The following PDPR variants were observed in gnomAD, a reference collection of about 807,000 sequenced individuals.
The protein encoded by PDPR is pyruvate dehydrogenase phosphatase regulatory subunit, mitochondrial.
A neutral mutation model predicts 102.2 loss-of-function variants in PDPR; 50 were observed. The observed-to-expected ratio is 0.49, with a 90% CI of 0.39 to 0.62. The LOEUF (loss-of-function observed/expected upper bound fraction) is 0.62, where lower values mean the gene tolerates loss of function less well. PDPR is among the 20% of genes least tolerant of loss of function. The pLI is 0.00. For missense variants in PDPR, 625 were observed against 1,098.2 expected (o/e 0.57, Z 6.09); for synonymous variants, 259 against 406.0 (o/e 0.64, Z 4.35).
chr16:70,131,807 G>C, intron 8 of PDPR: 1 of 1,371,764 alleles, frequency 7.3e-7, no homozygotes, highest in Non-Finnish European at 9.5e-7. Context: ...TCCTTTTGAC[G>C]GTCTTCATGC....
intron 2 of PDPR, among the ~76,000 whole-genome samples, chr16:70,117,021 C>A (rs1259847022): frequency 1.3e-5 from 2 of 149,722 alleles, no homozygotes; most frequent in Non-Finnish European, 3.0e-5. Flanking sequence ...AAATAGCCGG[C>A]CACTAATGCC....
rs776398673 is a variant in PDPR at position 70,130,534 on chromosome 16, G to T, written c.719G>T (p.Cys240Phe). 6.2e-7 allele frequency: 1 copy of T among 1,613,910 alleles called. No individual in the cohort carries two copies. Among genetic ancestry groups the T allele is most frequent in the Non-Finnish European group, 8.5e-7 (1 of 1,179,872 alleles). Residue 240 changes from cysteine to phenylalanine, a missense_variant, in exon 7 of 19, where the codon TGT (cysteine) becomes TTT (phenylalanine). Physicochemically the swap from Cys to Phe is radical, Grantham distance 205 (BLOSUM62 -2). Coordinates refer to ENST00000288050, the MANE Select transcript of PDPR (RefSeq NM_017990.5). ...ATTGAATGCCAGTATTTTGTCAACTGTGCTGGCCAGGTAGGTCAGCACCAA... is the reference window on the plus strand; with the variant it reads ...ATTGAATGCCAGTATTTTGTCAACTTTGCTGGCCAGGTAGGTCAGCACCAA... ...GQIECQYFVN[C>F]AGQWAYELGL...
At chr16:70,124,339 G>A (rs561619299) in intron 3 of PDPR, among the ~76,000 whole-genome samples, 513 of 152,228 alleles carry the variant, frequency 3.4e-3, no homozygotes, top group African/African-American at 0.012. Flanking sequence ...CTCCAGCCTG[G>A]GCAACAGAGT....
intron 14 of PDPR, among the ~76,000 whole-genome samples, chr16:70,144,029 CCA>C (rs1348895390): frequency 6.6e-6 from 1 of 152,174 alleles, no homozygotes; most frequent in African/African-American, 2.4e-5. Flanking sequence ...GTAGCTGGGA[CCA>C]CAGGTACACG....
chr16:70,123,200 C>T (rs1268326929), intron 3 of PDPR, among the ~76,000 whole-genome samples: 1 of 152,268 alleles, frequency 6.6e-6, no homozygotes, highest in African/African-American at 2.4e-5. Flanking sequence ...CCGTGCCCGG[C>T]CCGCAGTGGA....
downstream of PDPR, among the ~76,000 whole-genome samples, chr16:70,163,423 C>A (rs919016327): frequency 6.6e-6 from 1 of 152,272 alleles, no homozygotes; most frequent in African/African-American, 2.4e-5. Flanking sequence ...TCTCCCCACT[C>A]GCCTCTCCCT....
intron 18 of PDPR, among the ~76,000 whole-genome samples, chr16:70,155,492 T>TG (rs1272681940): frequency 3.9e-5 from 6 of 152,250 alleles, no homozygotes; most frequent in Admixed American, 6.5e-5. Flanking sequence ...GGCGCATCTG[T>TG]GGGCCCAGCT....
At chr16:70,119,997 G>A (rs7197157) in intron 2 of PDPR, 58,431 of 154,018 alleles carry the variant, frequency 0.38, 11,278 homozygotes, top group Non-Finnish European at 0.39. Context: ...GCTCGCTGCA[G>A]CCTCCGCCTC....
downstream of PDPR, among the ~76,000 whole-genome samples, chr16:70,163,279 T>TTA (rs1967936329): frequency 6.6e-6 from 1 of 152,186 alleles, no homozygotes; most frequent in Admixed American, 6.5e-5. Flanking sequence ...TTTTTTTTTT[T>TTA]AAGTATTTGT....
chr16:70,122,598 C>A (rs567756967), intron 3 of PDPR, among the ~76,000 whole-genome samples: 1 of 152,268 alleles, frequency 6.6e-6, no homozygotes, highest in African/African-American at 2.4e-5. Context: ...CTGTTTTCTC[C>A]CCTTGTAATG....
chr16:70,127,755 G>A (rs1344078978), intron 4 of PDPR, among the ~76,000 whole-genome samples: 4 of 152,286 alleles, frequency 2.6e-5, no homozygotes, highest in African/African-American at 9.6e-5. Flanking sequence ...ATTGGCCCAA[G>A]TGTAATTATG....
At chr16:70,116,837 C>A (rs1185577739) in intron 2 of PDPR, among the ~76,000 whole-genome samples, 1 of 152,050 alleles carries the variant, frequency 6.6e-6, no homozygotes, top group African/African-American at 2.4e-5. Context: ...ACATGGCGCC[C>A]GGCCTAAAGT....
At chr16:70,155,250 C>G (rs561719837) in intron 18 of PDPR, among the ~76,000 whole-genome samples, 1 of 152,102 alleles carries the variant, frequency 6.6e-6, no homozygotes, top group South Asian at 2.1e-4. Flanking sequence ...ATTAAAATCA[C>G]CCATATTTTG....
chr16:70,136,816 C>T (rs1319697596), intron 10 of PDPR, among the ~76,000 whole-genome samples: 2 of 152,204 alleles, frequency 1.3e-5, no homozygotes, highest in Non-Finnish European at 2.9e-5. Flanking sequence ...GATCTCAGGT[C>T]ACTGCAACCT....
Position 70,156,782 on chromosome 16 carries a change from G to T in PDPR, c.2543G>T (p.Arg848Leu), listed in dbSNP as rs773595037. Residue 848 changes from arginine (R) to leucine (L), a missense_variant, in exon 19 of 19, where the codon CGC becomes CTC. Arg to Leu is a moderately radical substitution (Grantham distance 102). Transcript: ENST00000288050. ...GEYEIDIAGY[R>L]FQAKAKLYPV... ...TATGAGATTGACATCGCGGGATACC[G>T]CTTCCAGGCCAAGGCCAAGCTCTAC... The T allele has an allele frequency of 1.9e-6, 3 of 1,613,950 alleles. No homozygotes were observed. The highest frequency in any genetic ancestry group is 2.5e-6 in the Non-Finnish European group (3 of 1,179,912).
At chr16:70,145,428 G>A (rs1215536022) in intron 15 of PDPR, among the ~76,000 whole-genome samples, 4 of 152,206 alleles carry the variant, frequency 2.6e-5, no homozygotes, top group Non-Finnish European at 4.4e-5. Context: ...GAGCCACCAC[G>A]CCCAGTCCCA....
rs1967748353 is a variant in PDPR, at chr16:70,161,166, C to T, written c.*4287C>T. ...GTCGCTTACTCCTGTAATCCCAGCA[C>T]TTTGGGAGGCCCAGTGAGGTGGGAG... On this transcript the variant is annotated 3_prime_UTR_variant, in exon 19 of 19. Coordinates refer to ENST00000288050, the MANE Select transcript of PDPR (RefSeq NM_017990.5). 1.3e-5 allele frequency: 2 copies of T among 153,064 alleles called. No individual in the cohort carries two copies. Among genetic ancestry groups the T allele is most frequent in the African/African-American group, 4.8e-5 (2 of 41,396 alleles). 9.5% of individuals were successfully genotyped at this position (153,064 alleles called of 1,614,324 possible).
intron 13 of PDPR, among the ~76,000 whole-genome samples, chr16:70,143,164 G>A (rs537088278): frequency 1.3e-5 from 2 of 152,182 alleles, no homozygotes; most frequent in African/African-American, 2.4e-5. Context: ...ACTCAGCCTG[G>A]GCAACAGAGT....
In PDPR at chr16:70,148,586, A is replaced by ACTTCC. The variant is rs145754705; in HGVS notation, c.2052+60_2052+64dup. On this transcript the variant is annotated intron_variant, in intron 17 of 18. Coordinates refer to ENST00000288050, the MANE Select transcript of PDPR (RefSeq NM_017990.5). The stretch of plus-strand genomic sequence containing the variant: ...GGCACCCTTCCCTTCCCTTCCCTTC[A>ACTTCC]CTTCCCTTCCCTTCCCTTCCCTTCC... The ACTTCC allele has an allele frequency of 4.7e-3, 6,810 of 1,443,884 alleles. 13 individuals carry two copies. The highest frequency in any genetic ancestry group is 0.011 in the South Asian group (883 of 83,428). The allele number at this position is 1,443,884 out of a possible 1,614,324, so 89.4% of individuals were successfully genotyped here.
Sources: gnomAD v4.1 joint callset for allele counts (sites outside exome capture counted in the v4.1 genomes callset) on GRCh38, gnomAD v4.1.1 for gene constraint, MANE v1.5 for transcripts, NCBI Gene and HGNC (gene_info 2026-07-23, HGNC 2026-07-21) for gene names.